ATP1B3: variants seen among roughly 807,000 people sequenced by gnomAD.
ATP1B3 encodes the protein ATPase Na+/K+ transporting subunit beta 3.
ATP1B3 carries 10 observed loss-of-function variants against 30.2 expected under a neutral mutation model. The observed-to-expected ratio is 0.33, with a 90% CI of 0.20 to 0.56. The LOEUF is 0.56. Among genes scored for constraint, ATP1B3 ranks in the 20% least tolerant of loss-of-function variants. ATP1B3 has a pLI of 0.90. For missense variants in ATP1B3, 238 were observed against 336.7 expected (o/e 0.71, Z 2.29); for synonymous variants, 113 against 117.0 (o/e 0.97, Z 0.22).
rs757060406 is a variant in ATP1B3, at chr3:141,899,221, ATTG to A, written c.110-4396_110-4394del. Among the ~76,000 whole-genome samples the A allele has an allele frequency of 6.8e-4, 103 of 152,240 alleles. 1 individual carries two copies. The highest frequency in any genetic ancestry group is 1.3e-4 in the Non-Finnish European group (9 of 68,042). ...CATATGTGAATGGTATGCGAATAAT[ATTG>A]TTAAAAATCAGTATTGTTTTTAAAA... On this transcript the variant is annotated intron_variant, in intron 1 of 6. Transcript: ENST00000286371.
chr3:141,902,623 T>TC lies in ATP1B3; in HGVS notation c.110-996dup, dbSNP rs1369746630. On this transcript the variant is annotated intron_variant, in intron 1 of 6. Coordinates refer to ENST00000286371, the MANE Select transcript of ATP1B3 (RefSeq NM_001679.4). ...AGTGTTCCCAAAGTAAATCACTGGT[T>TC]CAGGATAGATCTATCTTAGTGTTCC... Among the ~76,000 whole-genome samples, 5 of 152,338 alleles carry TC rather than the reference T, an allele frequency of 3.3e-5. No individual in the cohort carries two copies. In the East Asian group the frequency reaches 9.6e-4, roughly 29 times the overall value.
chr3:141,920,601 T>C (rs1934549578), intron 5 of ATP1B3, among the ~76,000 whole-genome samples: 1 of 152,172 alleles, frequency 6.6e-6, no homozygotes, highest in Non-Finnish European at 1.5e-5. Flanking sequence ...AATCCTTTTT[T>C]TCATTTTGCG....
chr3:141,921,075 T>TTA (rs1044101287), intron 5 of ATP1B3, among the ~76,000 whole-genome samples: 4 of 152,128 alleles, frequency 2.6e-5, no homozygotes, highest in African/African-American at 9.6e-5. Context: ...AAAAATTTTT[T>TTA]TATATATATA....
Position 141,876,885 on chromosome 3 carries a change from C to A in ATP1B3, c.84C>A (p.Phe28Leu). ...LFIYNPTTGEFLGRTAKSWGL... is the reference protein window; with the variant it reads ...LFIYNPTTGELLGRTAKSWGL... The stretch of plus-strand genomic sequence containing the variant: ...TCTACAACCCGACCACCGGAGAATT[C>A]CTGGGGCGCACCGCCAAGAGCTGGG... The change falls in exon 1 of 7, where the codon TTC becomes TTA. Residue 28 changes from phenylalanine to leucine, a missense_variant. Phe to Leu is a conservative substitution (Grantham distance 22, BLOSUM62 0). Coordinates refer to ENST00000286371, the MANE Select transcript of ATP1B3 (RefSeq NM_001679.4). 1 of 1,580,754 alleles carries A rather than the reference C, an allele frequency of 6.3e-7. No homozygotes were observed. The highest frequency in any genetic ancestry group is 8.6e-7 in the Non-Finnish European group (1 of 1,163,812).
At chr3:141,909,205 A>C (rs1352414613) in intron 3 of ATP1B3, among the ~76,000 whole-genome samples, 2 of 152,226 alleles carry the variant, frequency 1.3e-5, no homozygotes, top group Admixed American at 6.5e-5. Context: ...ACTTTTGTGA[A>C]AGTATTATCC....
At position 141,903,640 on chromosome 3, in the gene ATP1B3, C is replaced by G. The variant is rs2107772563; in HGVS notation, c.130C>G (p.Leu44Val). The G allele has an allele frequency of 6.2e-7, 1 of 1,613,952 alleles. No homozygotes were observed. The highest frequency in any genetic ancestry group is 1.1e-5 in the South Asian group (1 of 91,084). Residue 44 changes from leucine to valine, a missense_variant, in exon 2 of 7, where the codon CTA becomes GTA. Coordinates refer to ENST00000286371, the MANE Select transcript of ATP1B3 (RefSeq NM_001679.4). ...TACAGGTTTGATCTTGCTCTTCTAC[C>G]TAGTTTTTTATGGGTTCCTGGCTGC... is the stretch of plus-strand genomic sequence containing the variant. The part of the protein sequence containing the change: ...KSWGLILLFY[L>V]VFYGFLAALF...
At chr3:141,912,806 C>A (rs1934390234) in intron 3 of ATP1B3, among the ~76,000 whole-genome samples, 1 of 152,158 alleles carries the variant, frequency 6.6e-6, no homozygotes, top group Non-Finnish European at 1.5e-5. Flanking sequence ...CCTCCCTCTT[C>A]CCTCCCATTA....
chr3:141,907,192 G>T lies in ATP1B3; in HGVS notation c.264G>T (p.Val88=). The T allele has an allele frequency of 6.2e-7, 1 of 1,610,048 alleles. No homozygotes were observed. Among genetic ancestry groups the T allele is most frequent in the South Asian group, 1.1e-5 (1 of 89,906 alleles). ...SPGLMVFPKP[V]TALEYTFSRS... is the part of the protein sequence containing the mutation. The stretch of plus-strand genomic sequence containing the variant: ...GACTCATGGTTTTTCCAAAACCAGT[G>T]ACCGCATTGGAATATACATTCAGTA... The change falls in exon 3 of 7, where the codon GTG becomes GTT. Residue 88 remains valine, a synonymous_variant. Transcript: ENST00000286371.
chr3:141,915,496 C>G (rs866390045), intron 4 of ATP1B3, among the ~76,000 whole-genome samples: 3 of 152,234 alleles, frequency 2.0e-5, no homozygotes, highest in South Asian at 2.1e-4. Flanking sequence ...CAGTGTGTGC[C>G]TTTTGGGGAG....
In ATP1B3 at chr3:141,913,731, T is replaced by G. The variant is rs1934407693; in HGVS notation, c.426T>G (p.Val142=). 2 of 1,613,912 alleles carry G rather than the reference T, an allele frequency of 1.2e-6. No individual in the cohort carries two copies. The highest frequency in any genetic ancestry group is 1.7e-6 in the Non-Finnish European group (2 of 1,180,000). The change falls in exon 4 of 7, where the codon GTT becomes GTG. Residue 142 remains valine, a synonymous_variant. Transcript: ENST00000286371. ...TTGAACAGAAGGGTCCAGTTTATGT[T>G]GCATGTCAGTTTCCTATTTCATTAC... The part of the protein sequence containing the change: ...ALFEQKGPVY[V]ACQFPISLLQ...
At chr3:141,911,492 C>CTTTT (rs60462262) in intron 3 of ATP1B3, among the ~76,000 whole-genome samples, 1 of 140,770 alleles carries the variant, frequency 7.1e-6, no homozygotes. Flanking sequence ...TTATCTTGGT[C>CTTTT]TTTTTTTTTT....
chr3:141,889,754 TATACACACACACACACAC>T (rs1933902851), intron 1 of ATP1B3, among the ~76,000 whole-genome samples: 2 of 75,030 alleles, frequency 2.7e-5, no homozygotes, highest in Non-Finnish European at 4.7e-5. Flanking sequence ...AAAAAAAATA[TATACACACACACACACAC>T]ACACACACAC....
chr3:141,902,207 C>T lies in ATP1B3; in HGVS notation c.110-1413C>T, dbSNP rs540761202. 221 of 1,289,418 alleles carry T rather than the reference C, an allele frequency of 1.7e-4. 1 individual carries two copies. The African/African-American group carries it at 3.1e-3, about 18-fold the overall frequency. The allele number at this position is 1,289,418 out of a possible 1,614,324, so 79.9% of individuals were successfully genotyped here. On this transcript the variant is annotated intron_variant, in intron 1 of 6. Coordinates refer to ENST00000286371, the MANE Select transcript of ATP1B3 (RefSeq NM_001679.4). ...CTGTTCTCCTCTCTTCTGTCCTCTC[C>T]ATCCTTATTTTGGCCACCTGGTAAT...
At chr3:141,915,134 C>T (rs1241327741) in intron 4 of ATP1B3, among the ~76,000 whole-genome samples, 2 of 152,146 alleles carry the variant, frequency 1.3e-5, no homozygotes, top group African/African-American at 4.8e-5. Context: ...GATCAACCTT[C>T]TGGGTTTGTT....
chr3:141,926,328 G>A lies in ATP1B3; in HGVS notation c.*627G>A, dbSNP rs1475720002. The A allele has an allele frequency of 6.6e-6, 1 of 151,662 alleles. No homozygotes were observed. Among genetic ancestry groups the A allele is most frequent in the East Asian group, 1.9e-4 (1 of 5,194 alleles). 9.4% of individuals were successfully genotyped at this position (151,662 alleles called of 1,614,324 possible). On this transcript the variant is annotated 3_prime_UTR_variant, in exon 7 of 7. Coordinates refer to ENST00000286371, the MANE Select transcript of ATP1B3 (RefSeq NM_001679.4). ...AAACTGGGATTAATTTTTAGTGTTG[G>A]AACTGCCTCTTATTTTAGGCTGTAG...
At chr3:141,921,316 T>C (rs984142099) in intron 5 of ATP1B3, among the ~76,000 whole-genome samples, 6 of 152,242 alleles carry the variant, frequency 3.9e-5, no homozygotes, top group Non-Finnish European at 8.8e-5. Context: ...CAGGTGATGC[T>C]TGATTTGTAT....
intron 3 of ATP1B3, among the ~76,000 whole-genome samples, chr3:141,911,074 G>C (rs534214962): frequency 2.0e-4 from 30 of 149,942 alleles, no homozygotes; most frequent in African/African-American, 6.9e-4. Context: ...AAAGTATTTT[G>C]CTGAGACTTG....
intron 1 of ATP1B3, among the ~76,000 whole-genome samples, chr3:141,888,188 T>C (rs1933872687): frequency 1.3e-5 from 2 of 152,322 alleles, no homozygotes; most frequent in South Asian, 2.1e-4. Flanking sequence ...GTGTTCACTT[T>C]TAGGTTTCAC....
chr3:141,888,381 A>G (rs1428226675), intron 1 of ATP1B3, among the ~76,000 whole-genome samples: 1 of 152,118 alleles, frequency 6.6e-6, no homozygotes, highest in African/African-American at 2.4e-5. Context: ...GTTTCTGTAT[A>G]TATGTGGAGT....
Sources: allele counts gnomAD v4.1 joint callset (sites outside exome capture counted in the v4.1 genomes callset), GRCh38; gene constraint gnomAD v4.1.1; transcripts MANE v1.5; gene names NCBI Gene and HGNC (gene_info 2026-07-23, HGNC 2026-07-21).